Variants in RYR2 observed in about 807,000 individuals in gnomAD.
The protein encoded by RYR2 is ryanodine receptor 2, also known as cardiac muscle ryanodine receptor-calcium release channel.
Under a neutral mutation model 601.1 loss-of-function variants are expected in RYR2, and 227 were observed. The observed-to-expected ratio is 0.38, with a 90% CI of 0.34 to 0.42. The LOEUF is 0.42. Among genes scored for constraint, RYR2 ranks in the 10% least tolerant of loss-of-function variants. The pLI, the probability that RYR2 is intolerant of heterozygous loss-of-function variation, is 1.00. For missense variants in RYR2, 4,646 were observed against 6,156.5 expected (o/e 0.75, Z 8.21); for synonymous variants, 2,223 against 2,175.1 (o/e 1.02, Z -0.61).
rs568611637 is a variant in RYR2, at chr1:237,150,514, C to T, written c.48+107945C>T. 1.2e-4 allele frequency among the ~76,000 whole-genome samples: 18 copies of T among 152,256 alleles called. No individual in the cohort carries two copies. In the East Asian group the frequency reaches 3.3e-3, roughly 28 times the overall value. ...GGAAAGCCCCTGAAGACAGATATGG[C>T]AGGCACTTTTCTTGGATTGGCAGTT... On this transcript the variant is annotated intron_variant, in intron 1 of 104. Coordinates refer to ENST00000366574, the MANE Select transcript of RYR2 (RefSeq NM_001035.3).
rs768893657 is a variant in RYR2, at chr1:237,548,465, A to G, written c.2941A>G (p.Met981Val). 1.9e-6 allele frequency: 3 copies of G among 1,613,882 alleles called. No individual in the cohort carries two copies. Among genetic ancestry groups the G allele is most frequent in the Admixed American group, 1.7e-5 (1 of 60,000 alleles). ...GACAAGTGGATACAAGCCTGCCCCT[A>G]TGGACCTGAGCTTTATCAAACTCAC... The part of the protein sequence containing the change: ...QLTSGYKPAP[M>V]DLSFIKLTPS... The change falls in exon 26 of 105, where the codon ATG becomes GTG. Residue 981 changes from methionine (M) to valine (V), a missense_variant. Transcript: ENST00000366574.
chr1:237,521,302 A>T (rs563257248), intron 24 of RYR2, among the ~76,000 whole-genome samples: 2 of 152,324 alleles, frequency 1.3e-5, no homozygotes, highest in South Asian at 4.1e-4. Flanking sequence ...ACAGTCCTCA[A>T]CAAAAATACC....
chr1:237,336,835 C>T (rs902411779), intron 3 of RYR2, among the ~76,000 whole-genome samples: 1 of 151,710 alleles, frequency 6.6e-6, no homozygotes, highest in African/African-American at 2.4e-5. Flanking sequence ...CCAGCCTGGG[C>T]AACAAAGTGA....
At chr1:237,388,864 G>A (rs1305146925) in intron 10 of RYR2, among the ~76,000 whole-genome samples, 1 of 152,138 alleles carries the variant, frequency 6.6e-6, no homozygotes, top group Non-Finnish European at 1.5e-5. Flanking sequence ...TGGATGGTTT[G>A]TTATGTATCT....
intron 2 of RYR2, among the ~76,000 whole-genome samples, chr1:237,311,504 G>A (rs1415102360): frequency 6.8e-6 from 1 of 148,020 alleles, no homozygotes; most frequent in East Asian, 2.0e-4. Context: ...TTTTGATACT[G>A]GATCTCACTC....
intron 2 of RYR2, among the ~76,000 whole-genome samples, chr1:237,286,892 AC>A (rs1691634907): frequency 7.4e-6 from 1 of 135,078 alleles, no homozygotes; most frequent in Non-Finnish European, 1.6e-5. Context: ...TTGCTTTTTA[AC>A]TTGTATTTTT....
chr1:237,128,133 G>A (rs1053493968), intron 1 of RYR2, among the ~76,000 whole-genome samples: 12 of 152,214 alleles, frequency 7.9e-5, no homozygotes, highest in Non-Finnish European at 1.2e-4. Context: ...CTGCAATCCC[G>A]GCACCTCGGG....
chr1:237,118,800 G>T (rs1379632763), intron 1 of RYR2, among the ~76,000 whole-genome samples: 1 of 151,760 alleles, frequency 6.6e-6, no homozygotes, highest in African/African-American at 2.4e-5. Flanking sequence ...CTTTTATAAA[G>T]ATTTTCCTAT....
rs1558320038 is a variant in RYR2, at chr1:237,148,533, T to TATATATATATATATACACACAC, written c.48+105979_48+105980insCACACACATATATATATATATA. On this transcript the variant is annotated intron_variant, in intron 1 of 104. Transcript: ENST00000366574. ...CTTCAAGTAAAAAAAAAAAAATATA[T>TATATATATATATATACACACAC]ATATATATATATATATATATACACA... 4.3e-3 allele frequency among the ~76,000 whole-genome samples: 505 copies of TATATATATATATATACACACAC among 116,672 alleles called. 11 individuals carry two copies. Among genetic ancestry groups the TATATATATATATATACACACAC allele is most frequent in the African/African-American group, 0.019 (481 of 24,954 alleles). The allele number at this position is 116,672 out of a possible 152,430, so 76.5% of individuals were successfully genotyped here.
chr1:237,566,918 G>A (rs555940281), intron 28 of RYR2, 143 bp downstream of exon 28: 20 of 846,728 alleles, frequency 2.4e-5, no homozygotes, highest in Admixed American at 1.8e-4. Flanking sequence ...TTTTGTCCTC[G>A]TAGTCTCAAA....
intron 34 of RYR2, among the ~76,000 whole-genome samples, chr1:237,601,581 G>T (rs58615439): frequency 6.6e-6 from 1 of 151,768 alleles, no homozygotes; most frequent in South Asian, 2.1e-4. Context: ...CTAGAAGAGA[G>T]GATTTTGTAT....
At chr1:237,262,131 C>G (rs535393615) in intron 1 of RYR2, among the ~76,000 whole-genome samples, 1 of 151,310 alleles carries the variant, frequency 6.6e-6, no homozygotes, top group South Asian at 2.1e-4. Flanking sequence ...TTCCAGCAGA[C>G]TTGGCAACAG....
intron 1 of RYR2, among the ~76,000 whole-genome samples, chr1:237,061,245 CT>C (rs1408809035): frequency 5.2e-5 from 7 of 134,042 alleles, no homozygotes; most frequent in South Asian, 4.8e-4. Flanking sequence ...ATCTATCTAT[CT>C]ATCTATCATC....
chr1:237,697,044 A>G (rs1687514996), intron 63 of RYR2, among the ~76,000 whole-genome samples: 1 of 151,894 alleles, frequency 6.6e-6, no homozygotes, highest in Admixed American at 6.6e-5. Flanking sequence ...GCTCTAACCA[A>G]GCTCTAGAAC....
At chr1:237,210,905 C>A (rs1462954973) in intron 1 of RYR2, among the ~76,000 whole-genome samples, 1 of 152,248 alleles carries the variant, frequency 6.6e-6, no homozygotes, top group African/African-American at 2.4e-5. Flanking sequence ...ACCTTTGAAG[C>A]TTTTATGTGT....
At chr1:237,234,711 A>G (rs188795677) in intron 1 of RYR2, among the ~76,000 whole-genome samples, 270 of 152,282 alleles carry the variant, frequency 1.8e-3, no homozygotes, top group Non-Finnish European at 2.6e-3. Context: ...ATATTTGTAG[A>G]TAGTTGATAA....
At chr1:237,775,353 C>T (rs1205473983) in intron 87 of RYR2, among the ~76,000 whole-genome samples, 1 of 152,074 alleles carries the variant, frequency 6.6e-6, no homozygotes, top group Non-Finnish European at 1.5e-5. Context: ...TTTGATTTTA[C>T]TAGTTTTTCC....
chr1:237,798,207 T>TTGAA (rs775701695), intron 97 of RYR2, 37 bp downstream of exon 97: 1 of 1,575,758 alleles, frequency 6.3e-7, no homozygotes, highest in Admixed American at 1.9e-5. Context: ...CAGACTTAGA[T>TTGAA]TGAAAGGGGA....
chr1:237,698,876 A>T, intron 63 of RYR2, 89 bp from the exon 64 acceptor site: 2 of 676,782 alleles, frequency 3.0e-6, no homozygotes, highest in Non-Finnish European at 5.1e-6. Flanking sequence ...TGTGTCATTG[A>T]CTAATTTTTC....
Sources: allele counts gnomAD v4.1 joint callset (sites outside exome capture counted in the v4.1 genomes callset), GRCh38; gene constraint gnomAD v4.1.1; transcripts MANE v1.5; gene names NCBI Gene and HGNC (gene_info 2026-07-23, HGNC 2026-07-21).